The following GZMH variants were observed in gnomAD, a reference collection of about 807,000 sequenced individuals.
GZMH encodes cathepsin G-like 2, protein h-CCPX.
Under a neutral mutation model 20.7 loss-of-function variants are expected in GZMH, and 24 were observed. That is an observed-to-expected ratio of 1.16 (90% CI 0.84 to 1.63). The LOEUF is 1.63. Ranked by LOEUF, GZMH falls within the 40% of genes most tolerant of loss-of-function variation. The pLI is 0.00. For synonymous variants in GZMH, 119 were observed against 116.1 expected (o/e 1.02, Z -0.16); for missense variants, 344 against 302.7 (o/e 1.14, Z -1.01).
rs2066872580 is a variant in GZMH at position 24,606,802 on chromosome 14, G to C, written c.598-56C>G. ...GTGTTCCCTGGGATGGGTGGTCTCTGTTATGGATTTTGTGTGACATCAGTG... is the reference window on the plus strand; with the variant it reads ...GTGTTCCCTGGGATGGGTGGTCTCTCTTATGGATTTTGTGTGACATCAGTG... On this transcript the variant is annotated intron_variant, in intron 4 of 4. Coordinates refer to ENST00000216338, the MANE Select transcript of GZMH (RefSeq NM_033423.5). 3 of 1,535,068 alleles carry C rather than the reference G, an allele frequency of 2.0e-6. No homozygotes were observed. The African/African-American group carries it at 4.1e-5, about 21-fold the overall frequency.
chr14:24,607,443 A>G, intron 3 of GZMH, 37 bp from the exon 4 acceptor site: 1 of 1,576,458 alleles, frequency 6.3e-7, no homozygotes, highest in African/African-American at 1.3e-5. Context: ...AGGTCAGGCA[A>G]TGGCCTTCTG....
chr14:24,608,995 G>A (rs2066892338), intron 1 of GZMH, among the ~76,000 whole-genome samples: 1 of 152,244 alleles, frequency 6.6e-6, no homozygotes, highest in South Asian at 2.1e-4. Context: ...CACCAGGTCA[G>A]TGGAGTAGCT....
In GZMH at chr14:24,608,797, T is replaced by C. The variant is rs114111018; in HGVS notation, c.56-385A>G. Among the ~76,000 whole-genome samples, 826 of 152,352 alleles carry C rather than the reference T, an allele frequency of 5.4e-3. 14 individuals carry two copies. Among genetic ancestry groups the C allele is most frequent in the African/African-American group, 0.019 (791 of 41,560 alleles). On this transcript the variant is annotated intron_variant, in intron 1 of 4. Coordinates refer to ENST00000216338, the MANE Select transcript of GZMH (RefSeq NM_033423.5). ...CCTCCTGATTGGTGCCATTTTCTAA[T>C]GATCTACCCATGAGCTTCTGGAGTT...
intron 4 of GZMH, 39 bp downstream of exon 4, chr14:24,607,110 C>T (rs201149975): frequency 5.2e-5 from 83 of 1,588,492 alleles, no homozygotes; most frequent in Non-Finnish European, 7.0e-5. Flanking sequence ...AAGTTCCTCT[C>T]TCCCTGTGGT....
Position 24,606,541 on chromosome 14 carries a change from G to A in GZMH, c.*62C>T. On this transcript the variant is annotated 3_prime_UTR_variant, in exon 5 of 5. Coordinates refer to ENST00000216338, the MANE Select transcript of GZMH (RefSeq NM_033423.5). ...GCAACCCCGACTGCCCACCCCTTGG[G>A]GATTCTTGCCTCTGTCCCAGAGATG... 2 of 1,520,474 alleles carry A rather than the reference G, an allele frequency of 1.3e-6. 1 individual carries two copies. The highest frequency in any genetic ancestry group is 2.5e-5 in the South Asian group (2 of 81,280). The allele number at this position is 1,520,474 out of a possible 1,614,324, so 94.2% of individuals were successfully genotyped here.
In GZMH at chr14:24,607,202, T is replaced by C. The variant is rs952358122; in HGVS notation, c.544A>G (p.Arg182Gly). 6.2e-7 allele frequency: 1 copy of C among 1,613,990 alleles called. No homozygotes were observed. Among genetic ancestry groups the C allele is most frequent in the Non-Finnish European group, 8.5e-7 (1 of 1,179,992 alleles). The change falls in exon 4 of 5, where the codon AGA becomes GGA. Residue 182 changes from arginine (R) to glycine (G), a missense_variant. Transcript: ENST00000216338. ...CERLFHGNYS[R>G]ATEICVGDPK... ...TCCCCCACACAAATCTCAGTGGCTCTGCTGTAATTGCCATGGAAGAGACGT... is the reference window on the plus strand; with the variant it reads ...TCCCCCACACAAATCTCAGTGGCTCCGCTGTAATTGCCATGGAAGAGACGT...
rs779905278 is a variant in GZMH, at chr14:24,606,716, C to T, written c.628G>A (p.Asp210Asn). Reference sequence around the variant, plus strand: ...TAGGAGAGAATACCTTGGGCTACGTCCTTACACACGAGGGGCCCCCCGGAG... The same window carrying T: ...TAGGAGAGAATACCTTGGGCTACGTTCTTACACACGAGGGGCCCCCCGGAG... ...GDSGGPLVCK[D>N]VAQGILSYGN... Residue 210 changes from aspartate to asparagine, a missense_variant, in exon 5 of 5, where the codon GAC (aspartate) becomes AAC (asparagine). Physicochemically the swap from Asp to Asn is conservative, Grantham distance 23. Transcript: ENST00000216338. 1.2e-6 allele frequency: 2 copies of T among 1,613,902 alleles called. No individual in the cohort carries two copies. Among genetic ancestry groups the T allele is most frequent in the Admixed American group, 3.3e-5 (2 of 60,016 alleles).
In GZMH at chr14:24,607,354, C is replaced by T; in HGVS notation, c.392G>A (p.Ser131Asn). 6.2e-7 allele frequency: 1 copy of T among 1,609,972 alleles called. No homozygotes were observed. Among genetic ancestry groups the T allele is most frequent in the South Asian group, 1.1e-5 (1 of 90,912 alleles). ...TTAVRPLRLP[S>N]SKAQVKPGQL... Reference sequence around the variant, plus strand: ...CCCTGGCTTCACCTGGGCCTTGCTGCTAGGTAGCCTGAGAGGCCGCACAGC... The same window carrying T: ...CCCTGGCTTCACCTGGGCCTTGCTGTTAGGTAGCCTGAGAGGCCGCACAGC... Residue 131 changes from serine (S) to asparagine (N), a missense_variant, in exon 4 of 5, where the codon AGC (serine) becomes AAC (asparagine). Transcript: ENST00000216338.
At chr14:24,608,767 G>C (rs1185915281) in intron 1 of GZMH, among the ~76,000 whole-genome samples, 1 of 152,242 alleles carries the variant, frequency 6.6e-6, no homozygotes, top group Non-Finnish European at 1.5e-5. Flanking sequence ...CTGAGCCTCT[G>C]CTGTCCTCCT....
chr14:24,607,884 T>G lies in GZMH; in HGVS notation c.204-137A>C, dbSNP rs537862499. 8.1e-6 allele frequency: 10 copies of G among 1,231,094 alleles called. No homozygotes were observed. The African/African-American group carries it at 1.5e-4, about 18-fold the overall frequency. 76.3% of individuals were successfully genotyped at this position (1,231,094 alleles called of 1,614,324 possible). On this transcript the variant is annotated intron_variant, in intron 2 of 4. Transcript: ENST00000216338. ...TGAAGGGACAGGAGGGCTCCAGGGC[T>G]GAGTGACTGTGCCCTCTACTTCACA...
At position 24,607,304 on chromosome 14, in the gene GZMH, C is replaced by T. The variant is rs1413205300; in HGVS notation, c.442G>A (p.Gly148Ser). Residue 148 changes from glycine to serine, a missense_variant, in exon 4 of 5, where the codon GGT becomes AGT. By Grantham distance (56) the Gly-to-Ser change is moderately conservative. Coordinates refer to ENST00000216338, the MANE Select transcript of GZMH (RefSeq NM_033423.5). ...PGQLCSVAGW[G>S]YVSMSTLATT... is the part of the protein sequence containing the mutation. Reference sequence around the variant, plus strand: ...GCTAAAGTGCTCATTGAGACATAACCCCAGCCAGCCACACTGCACAGCTGC... The same window carrying T: ...GCTAAAGTGCTCATTGAGACATAACTCCAGCCAGCCACACTGCACAGCTGC... The T allele has an allele frequency of 5.0e-6, 8 of 1,613,982 alleles. No homozygotes were observed. In the Admixed American group the frequency reaches 6.7e-5, roughly 13 times the overall value.
intron 4 of GZMH, 75 bp downstream of exon 4, chr14:24,607,074 C>A (rs1178121051): frequency 3.3e-5 from 48 of 1,453,196 alleles, no homozygotes; most frequent in African/African-American, 4.2e-5. Flanking sequence ...AAAGATCTGG[C>A]CACTGTCATA....
rs1159351096 is a variant in GZMH, at chr14:24,606,606, G to C, written c.738C>G (p.Leu246=). 4 of 1,612,822 alleles carry C rather than the reference G, an allele frequency of 2.5e-6. No individual in the cohort carries two copies. In the Admixed American group the frequency reaches 6.7e-5, roughly 27 times the overall value. The part of the protein sequence containing the change: ...LPWIKRTMKR[L] ...AAGGTTAGTCTCATGCCTGCTGTTA[G>C]AGGCGCTTCATTGTTCTCTTTATCC... Residue 246 remains leucine, a synonymous_variant, in exon 5 of 5, where the codon CTC becomes CTG. Transcript: ENST00000216338.
At position 24,607,284 on chromosome 14, in the gene GZMH, A is replaced by G. The variant is rs1761450340; in HGVS notation, c.462T>C (p.Thr154=). Reference sequence around the variant, plus strand: ...ACACTTCCTGCAGTGTGGTTGCTAAAGTGCTCATTGAGACATAACCCCAGC... The same window carrying G: ...ACACTTCCTGCAGTGTGGTTGCTAAGGTGCTCATTGAGACATAACCCCAGC... ...VAGWGYVSMS[T]LATTLQEVLL... is the part of the protein sequence containing the mutation. Residue 154 remains threonine, a synonymous_variant, in exon 4 of 5, where the codon ACT becomes ACC. Transcript: ENST00000216338. The G allele has an allele frequency of 1.9e-6, 3 of 1,613,990 alleles. No individual in the cohort carries two copies. Among genetic ancestry groups the G allele is most frequent in the Admixed American group, 1.7e-5 (1 of 60,008 alleles).
At position 24,609,607 on chromosome 14, in the gene GZMH, G is replaced by T. The variant is rs1473217425; in HGVS notation, c.7C>A (p.Pro3Thr). MQPFLLLLAFLLT... is the reference protein window; with the variant it reads MQTFLLLLAFLLT... ...AGAAAGGCCAACAGGAGGAGGAATG[G>T]CTGCATTTTCTCAGGAAGGCTGCCC... The change falls in exon 1 of 5, where the codon CCA (proline) becomes ACA (threonine). Residue 3 changes from proline to threonine, a missense_variant. Transcript: ENST00000216338. 13 of 1,610,602 alleles carry T rather than the reference G, an allele frequency of 8.1e-6. No homozygotes were observed. Among genetic ancestry groups the T allele is most frequent in the Non-Finnish European group, 1.1e-5 (13 of 1,178,296 alleles).
At position 24,607,261 on chromosome 14, in the gene GZMH, A is replaced by G. The variant is rs2066876139; in HGVS notation, c.485T>C (p.Val162Ala). Residue 162 changes from valine (V) to alanine (A), a missense_variant, in exon 4 of 5, where the codon GTG becomes GCG. Transcript: ENST00000216338. ...MSTLATTLQE[V>A]LLTVQKDCQC... Reference sequence around the variant, plus strand: ...GCAGTCCTTCTGCACTGTCAGCAACACTTCCTGCAGTGTGGTTGCTAAAGT... The same window carrying G: ...GCAGTCCTTCTGCACTGTCAGCAACGCTTCCTGCAGTGTGGTTGCTAAAGT... 3 of 1,614,018 alleles carry G rather than the reference A, an allele frequency of 1.9e-6. No individual in the cohort carries two copies. The highest frequency in any genetic ancestry group is 2.5e-6 in the Non-Finnish European group (3 of 1,180,034).
intron 2 of GZMH, 79 bp downstream of exon 2, chr14:24,608,186 C>T (rs2066885327): frequency 7.3e-6 from 11 of 1,501,232 alleles, no homozygotes; most frequent in Non-Finnish European, 1.0e-5. Flanking sequence ...TCTGGAAGCT[C>T]CCCTGGGCTG....
chr14:24,607,106 C>T (rs1210621072), intron 4 of GZMH, 43 bp downstream of exon 4: 1 of 1,581,408 alleles, frequency 6.3e-7, no homozygotes, highest in Non-Finnish European at 8.6e-7. Flanking sequence ...CCTCAAGTTC[C>T]TCTCTCCCTG....
chr14:24,607,858 T>G, intron 2 of GZMH, 111 bp from the exon 3 acceptor site: 1 of 1,526,678 alleles, frequency 6.6e-7, no homozygotes, highest in South Asian at 1.2e-5. Context: ...TGAGGGGAAG[T>G]TGAAGGGACA....
Sources: gnomAD v4.1 joint callset for allele counts (sites outside exome capture counted in the v4.1 genomes callset) on GRCh38, gnomAD v4.1.1 for gene constraint, MANE v1.5 for transcripts, NCBI Gene and HGNC (gene_info 2026-07-23, HGNC 2026-07-21) for gene names.